SLC26A5: variants seen among roughly 807,000 people sequenced by gnomAD.
SLC26A5 encodes prestin.
A neutral mutation model predicts 81.0 loss-of-function variants in SLC26A5; 51 were observed. The observed-to-expected ratio is 0.63, with a 90% CI of 0.50 to 0.80. SLC26A5 has a LOEUF of 0.80. Among genes scored for constraint, SLC26A5 ranks in the 30% least tolerant of loss-of-function variants. The pLI, the probability that SLC26A5 is intolerant of heterozygous loss-of-function variation, is 0.00. For synonymous variants in SLC26A5, 325 were observed against 332.8 expected (o/e 0.98, Z 0.25); for missense variants, 771 against 905.8 (o/e 0.85, Z 1.91).
chr7:103,364,677 G>C (rs1820596725), intron 19 of SLC26A5, among the ~76,000 whole-genome samples: 1 of 152,058 alleles, frequency 6.6e-6, no homozygotes, highest in Admixed American at 6.6e-5. Context: ...CAGAGTGCTG[G>C]TAGTATAGGC....
At chr7:103,398,254 C>G (rs897240534) in intron 8 of SLC26A5, among the ~76,000 whole-genome samples, 1 of 152,152 alleles carries the variant, frequency 6.6e-6, no homozygotes. Context: ...TTGTCCTTTT[C>G]TATACTAAGG....
At chr7:103,369,203 T>G (rs1353503448) in intron 19 of SLC26A5, 10 of 152,186 alleles carry the variant, frequency 6.6e-5, no homozygotes, top group Admixed American at 6.5e-4. Context: ...CCAACCAACA[T>G]TCTTGATTTT....
chr7:103,428,822 T>G (rs1413057965), intron 2 of SLC26A5, among the ~76,000 whole-genome samples: 1 of 152,144 alleles, frequency 6.6e-6, no homozygotes, highest in African/African-American at 2.4e-5. Flanking sequence ...TCTGCCTTGG[T>G]CTCCCAAAGT....
intron 19 of SLC26A5, 33 bp downstream of exon 19, chr7:103,376,775 T>C: frequency 1.4e-6 from 2 of 1,475,542 alleles, no homozygotes; most frequent in East Asian, 2.3e-5. Flanking sequence ...AACTAAAATA[T>C]TAAGCTTCAC....
chr7:103,405,959 G>C (rs371102716), intron 8 of SLC26A5, among the ~76,000 whole-genome samples: 1 of 152,172 alleles, frequency 6.6e-6, no homozygotes, highest in African/African-American at 2.4e-5. Context: ...GGACCTTCCA[G>C]GTGGCTTTGT....
chr7:103,353,097 A>G (rs1819816565), intron 19 of SLC26A5, among the ~76,000 whole-genome samples: 1 of 152,216 alleles, frequency 6.6e-6, no homozygotes. Context: ...AGAAAAGATT[A>G]ACTGTAAATC....
chr7:103,421,008 GT>G, intron 3 of SLC26A5, 131 bp from the exon 4 acceptor site: 1 of 987,262 alleles, frequency 1.0e-6, no homozygotes, highest in South Asian at 1.4e-5. Context: ...GATTCAAGAT[GT>G]TGCCAAACAG....
chr7:103,443,614 T>G (rs150917503), intron 1 of SLC26A5, among the ~76,000 whole-genome samples: 2 of 152,208 alleles, frequency 1.3e-5, no homozygotes, highest in Non-Finnish European at 2.9e-5. Context: ...ATGTTCAAGA[T>G]AAGAGTTGAT....
At chr7:103,368,091 A>G (rs371777406) in intron 19 of SLC26A5, 3 of 1,560,064 alleles carry the variant, frequency 1.9e-6, no homozygotes, top group African/African-American at 2.8e-5. Flanking sequence ...TTAAATTGGA[A>G]TCCTAACCTT....
intron 2 of SLC26A5, among the ~76,000 whole-genome samples, chr7:103,429,470 T>C (rs540391722): frequency 6.6e-6 from 1 of 152,330 alleles, no homozygotes; most frequent in South Asian, 2.1e-4. Context: ...TTTTCTATAA[T>C]GTACACAGCA....
intron 19 of SLC26A5, 83 bp from the exon 20 acceptor site, chr7:103,374,675 T>G: frequency 2.4e-6 from 3 of 1,224,986 alleles, no homozygotes; most frequent in Non-Finnish European, 2.3e-6. Flanking sequence ...TTCCATATAG[T>G]GTTTTTTTTT....
chr7:103,352,765 A>C, exon 20 of SLC26A5: 1 of 752,550 alleles, frequency 1.3e-6, no homozygotes, highest in Non-Finnish European at 2.5e-6. Flanking sequence ...CAAAAGAGAA[A>C]ACAAAGTTCA....
chr7:103,404,977 T>C (rs781527094), intron 8 of SLC26A5, among the ~76,000 whole-genome samples: 10 of 152,242 alleles, frequency 6.6e-5, no homozygotes, highest in Non-Finnish European at 1.3e-4. Flanking sequence ...TTGATTTGAC[T>C]ATTTATACTT....
intron 14 of SLC26A5, among the ~76,000 whole-genome samples, chr7:103,386,129 C>G (rs570907189): frequency 3.3e-5 from 5 of 151,918 alleles, no homozygotes; most frequent in African/African-American, 1.2e-4. Context: ...CAGGGTTTTA[C>G]CATGTTGGTC....
At chr7:103,398,052 A>G in intron 8 of SLC26A5, 38 bp from the exon 9 acceptor site, 7 of 1,482,670 alleles carry the variant, frequency 4.7e-6, no homozygotes, top group Non-Finnish European at 6.6e-6. Context: ...TTTAGAGATG[A>G]ATGTTCAAAT....
At chr7:103,391,826 T>A in intron 10 of SLC26A5, 91 bp from the exon 11 acceptor site, 1 of 930,450 alleles carries the variant, frequency 1.1e-6, no homozygotes, top group Non-Finnish European at 1.7e-6. Flanking sequence ...TTGTCAGCAC[T>A]ACAGCCTATC....
chr7:103,406,499 T>G (rs188283420), intron 8 of SLC26A5, among the ~76,000 whole-genome samples: 1 of 152,284 alleles, frequency 6.6e-6, no homozygotes, highest in East Asian at 1.9e-4. Context: ...GCTTGCCCTC[T>G]GTGGGCTGCA....
intron 14 of SLC26A5, among the ~76,000 whole-genome samples, chr7:103,387,686 TA>T (rs1255617587): frequency 6.6e-6 from 1 of 152,210 alleles, no homozygotes; most frequent in Non-Finnish European, 1.5e-5. Flanking sequence ...TATTTTATTT[TA>T]AAAAATTTTT....
In SLC26A5 at chr7:103,408,069, T is replaced by C. The variant is rs182571229; in HGVS notation, c.736-66A>G. ...GCCCCTGAGAGAGACAGAGACACTC[T>C]AGCGCACTAATTCACACCAGCCATT... On this transcript the variant is annotated intron_variant, in intron 7 of 19. Coordinates refer to ENST00000306312, the MANE Select transcript of SLC26A5 (RefSeq NM_198999.3). The C allele has an allele frequency of 1.4e-4, 216 of 1,595,004 alleles. 1 individual carries two copies. The African/African-American group carries it at 2.7e-3, about 20-fold the overall frequency.
Sources: allele counts gnomAD v4.1 joint callset (sites outside exome capture counted in the v4.1 genomes callset), GRCh38; gene constraint gnomAD v4.1.1; transcripts MANE v1.5; gene names NCBI Gene and HGNC (gene_info 2026-07-23, HGNC 2026-07-21).